Variants in SHROOM4 observed in about 807,000 individuals in gnomAD.
SHROOM4 encodes the protein protein Shroom4.
Under a neutral mutation model 80.3 loss-of-function variants are expected in SHROOM4, and 17 were observed. The ratio of observed to expected loss-of-function variants is 0.21; its 90% CI spans 0.14 to 0.32. SHROOM4 has a LOEUF of 0.32. SHROOM4 is among the 10% of genes least tolerant of loss of function. The pLI, the probability that SHROOM4 is intolerant of heterozygous loss-of-function variation, is 1.00. For missense variants in SHROOM4, 993 were observed against 1,140.3 expected, an observed-to-expected ratio of 0.87 and a Z score of 1.86; for synonymous variants, 400 against 437.5, an observed-to-expected ratio of 0.91 and a Z score of 1.07.
At chrX:50,696,024 C>G in intron 1 of SHROOM4, 87 bp from the exon 2 acceptor site, 1 of 1,057,460 alleles carries the variant, frequency 9.5e-7, no homozygotes, top group East Asian at 3.0e-5. Flanking sequence ...CCTGGAGCCA[C>G]AAGTAGTACT....
chrX:50,747,451 C>A (rs1934797323), intron 1 of SHROOM4, among the ~76,000 whole-genome samples: 1 of 111,814 alleles, frequency 8.9e-6, no homozygotes, highest in Admixed American at 9.5e-5. Context: ...GACAGCGAAC[C>A]ACAAATGCTG....
At chrX:50,797,961 A>G (rs1936049807) in intron 1 of SHROOM4, among the ~76,000 whole-genome samples, 1 of 111,219 alleles carries the variant, frequency 9.0e-6, no homozygotes, top group African/African-American at 3.3e-5. Context: ...TAGTTTTAAA[A>G]ATTTTGTTCC....
the SHROOM4 span, among the ~76,000 whole-genome samples, chrX:50,578,431 C>T: frequency 8.9e-6 from 1 of 111,983 alleles, no homozygotes; most frequent in Non-Finnish European, 1.9e-5. Context: ...CTCAGCCTCT[C>T]GAGTAGCTGG....
At chrX:50,728,757 A>G (rs1557266067) in intron 1 of SHROOM4, among the ~76,000 whole-genome samples, 1 of 112,384 alleles carries the variant, frequency 8.9e-6, no homozygotes, top group African/African-American at 3.2e-5. Context: ...CTCAACTGTG[A>G]AAACAAACTC....
At chrX:50,692,086 A>G (rs1322369292) in intron 2 of SHROOM4, among the ~76,000 whole-genome samples, 1 of 112,028 alleles carries the variant, frequency 8.9e-6, no homozygotes, top group African/African-American at 3.2e-5. Flanking sequence ...GCCCATAATT[A>G]TAGCCACTCC....
intron 2 of SHROOM4, among the ~76,000 whole-genome samples, chrX:50,661,959 T>C (rs1255847465): frequency 1.8e-5 from 2 of 111,077 alleles, no homozygotes; most frequent in Non-Finnish European, 3.8e-5. Context: ...GATAGAACTC[T>C]AGGTTAGTGG....
Position 50,592,199 on chromosome X carries a change from T to G in SHROOM4, c.*4496A>C. 3.0e-6 allele frequency: 1 copy of G among 328,759 alleles called. No individual in the cohort carries two copies. Among genetic ancestry groups the G allele is most frequent in the Non-Finnish European group, 5.9e-6 (1 of 169,437 alleles). The allele number at this position is 328,759 out of a possible 1,213,427, so 27.1% of individuals were successfully genotyped here. A position where few individuals can be genotyped will look rare whatever the true frequency, so the allele number is the denominator to read the frequency against. ...ATCAGGACTATAATAATGGTTACCA[T>G]GTACTGAATATGTTTTCAACAAGTC... On this transcript the variant is annotated 3_prime_UTR_variant, in exon 9 of 9. Transcript: ENST00000376020.
intron 1 of SHROOM4, among the ~76,000 whole-genome samples, chrX:50,736,809 G>T (rs1557266737): frequency 8.9e-6 from 1 of 111,928 alleles, no homozygotes; most frequent in African/African-American, 3.2e-5. Flanking sequence ...AGGTCTTTGA[G>T]GAATTGCCAC....
intron 1 of SHROOM4, among the ~76,000 whole-genome samples, chrX:50,783,873 G>A (rs1420818731): frequency 1.8e-5 from 2 of 111,971 alleles, no homozygotes; most frequent in Non-Finnish European, 3.8e-5. Context: ...ACCGTGCCCG[G>A]CCAGATTCTA....
At chrX:50,790,804 G>A (rs1178691513) in intron 1 of SHROOM4, among the ~76,000 whole-genome samples, 2 of 110,995 alleles carry the variant, frequency 1.8e-5, no homozygotes, top group African/African-American at 3.3e-5. Flanking sequence ...ACAAAATAAA[G>A]GCCATATAAG....
At chrX:50,797,393 G>GA (rs1408399990) in intron 1 of SHROOM4, among the ~76,000 whole-genome samples, 6 of 111,811 alleles carry the variant, frequency 5.4e-5, no homozygotes, top group Middle Eastern at 4.2e-3. Flanking sequence ...ATATGTAAGT[G>GA]AAAAAAGCGA....
intron 2 of SHROOM4, among the ~76,000 whole-genome samples, chrX:50,657,815 T>G (rs782722653): frequency 8.9e-6 from 1 of 111,990 alleles, no homozygotes; most frequent in East Asian, 2.8e-4. Flanking sequence ...AATCAACTTT[T>G]ACAAAACCAA....
chrX:50,615,070 A>C (rs1214943331), intron 5 of SHROOM4, among the ~76,000 whole-genome samples: 2 of 106,786 alleles, frequency 1.9e-5, no homozygotes, highest in Admixed American at 1.0e-4. Context: ...AAAGAGTTGT[A>C]CTGATGGTTT....
intron 1 of SHROOM4, among the ~76,000 whole-genome samples, chrX:50,761,917 T>C (rs969360471): frequency 8.9e-6 from 1 of 111,843 alleles, no homozygotes; most frequent in African/African-American, 3.2e-5. Context: ...TCCTTTTTAA[T>C]GGAGTTGTTT....
intron 1 of SHROOM4, among the ~76,000 whole-genome samples, chrX:50,792,303 A>T (rs1181432103): frequency 9.0e-6 from 1 of 111,658 alleles, no homozygotes; most frequent in African/African-American, 3.3e-5. Context: ...GTTCGAGACC[A>T]GTCTGGCCAA....
chrX:50,588,205 G>A lies in SHROOM4; in HGVS notation c.*8490C>T, dbSNP rs1557245063. 1.8e-5 allele frequency among the ~76,000 whole-genome samples: 2 copies of A among 111,165 alleles called. No individual in the cohort carries two copies. Among genetic ancestry groups the A allele is most frequent in the African/African-American group, 6.6e-5 (2 of 30,523 alleles). ...TGCCAGAAAATTTTACTTACAGTGG[G>A]GAACTCCTAAGGCTGAAACATTTTA... On this transcript the variant is annotated 3_prime_UTR_variant, in exon 9 of 9. Coordinates refer to ENST00000376020, the MANE Select transcript of SHROOM4 (RefSeq NM_020717.5).
chrX:50,703,497 A>G lies in SHROOM4; in HGVS notation c.118-7560T>C, dbSNP rs781782819. Among the ~76,000 whole-genome samples, 10 of 111,801 alleles carry G rather than the reference A, an allele frequency of 8.9e-5. No homozygotes were observed. The South Asian group carries it at 3.8e-3, about 43-fold the overall frequency. On this transcript the variant is annotated intron_variant, in intron 1 of 8. Transcript: ENST00000376020. ...CACCATTACTGTCCCTGATATGGTT[A>G]GGCTCTGTGTTCCCACCCAAATCTC...
At chrX:50,666,386 G>A (rs944859371) in intron 2 of SHROOM4, among the ~76,000 whole-genome samples, 5 of 111,453 alleles carry the variant, frequency 4.5e-5, no homozygotes, top group South Asian at 3.8e-4. Context: ...TTACTGTGGC[G>A]TGAAAGGGGC....
At chrX:50,769,184 G>A (rs1321571205) in intron 1 of SHROOM4, among the ~76,000 whole-genome samples, 1 of 107,618 alleles carries the variant, frequency 9.3e-6, no homozygotes, top group Non-Finnish European at 1.9e-5. Context: ...AGGAGGAAGG[G>A]AATGAAGGAG....
Sources: allele counts gnomAD v4.1 joint callset (sites outside exome capture counted in the v4.1 genomes callset), GRCh38; gene constraint gnomAD v4.1.1; transcripts MANE v1.5; gene names NCBI Gene and HGNC (gene_info 2026-07-23, HGNC 2026-07-21).